Variants in ARSB observed in about 807,000 individuals in gnomAD.
ARSB encodes N-acetylgalactosamine-4-sulfatase.
ARSB carries 41 observed loss-of-function variants against 50.9 expected under a neutral mutation model. The ratio of observed to expected loss-of-function variants is 0.81; its 90% CI spans 0.63 to 1.04. The LOEUF (loss-of-function observed/expected upper bound fraction) is 1.04. Ranked by LOEUF, ARSB falls within the 50% of genes least tolerant of loss-of-function variation. The pLI is 0.00. For missense variants in ARSB, 672 were observed against 693.3 expected (o/e 0.97, Z 0.35); for synonymous variants, 269 against 284.8 (o/e 0.94, Z 0.56).
At chr5:78,971,946 T>C (rs1022423316) in intron 1 of ARSB, among the ~76,000 whole-genome samples, 6 of 152,254 alleles carry the variant, frequency 3.9e-5, no homozygotes, top group African/African-American at 1.4e-4. Flanking sequence ...ACTGAGATTG[T>C]TATGCCTCTC....
At chr5:78,918,861 G>C (rs564683339) in intron 4 of ARSB, among the ~76,000 whole-genome samples, 2 of 152,146 alleles carry the variant, frequency 1.3e-5, no homozygotes, top group African/African-American at 4.8e-5. Flanking sequence ...GAAGCATTAA[G>C]TGCCTGAACA....
At chr5:78,938,344 T>A (rs2112421215) in intron 4 of ARSB, among the ~76,000 whole-genome samples, 1 of 152,352 alleles carries the variant, frequency 6.6e-6, no homozygotes, top group Admixed American at 6.5e-5. Context: ...AGTGTGGACA[T>A]TAACAGGTGA....
intron 5 of ARSB, among the ~76,000 whole-genome samples, chr5:78,852,139 C>T (rs1218547192): frequency 6.6e-6 from 1 of 152,176 alleles, no homozygotes; most frequent in Non-Finnish European, 1.5e-5. Flanking sequence ...TTAGTTGATG[C>T]AGTTTCTTCC....
At chr5:78,942,797 C>T (rs59351757) in intron 4 of ARSB, among the ~76,000 whole-genome samples, 6,324 of 152,098 alleles carry the variant, frequency 0.042, 325 homozygotes, top group African/African-American at 0.12. Context: ...CTATTAGGTC[C>T]GCTTGGTGCA....
chr5:78,955,154 A>C, intron 4 of ARSB, 141 bp downstream of exon 4: 1 of 809,458 alleles, frequency 1.2e-6, no homozygotes, highest in Non-Finnish European at 2.0e-6. Context: ...CTTTCCATCC[A>C]CAATTACCAT....
chr5:78,932,119 A>G lies in ARSB; in HGVS notation c.898+23176T>C, dbSNP rs191149725. ...TCACCCAATTCCAAAAGATGGCTGC[A>G]TATGTATCAAAAAGGCATACTTCAG... On this transcript the variant is annotated intron_variant, in intron 4 of 7. Coordinates refer to ENST00000264914, the MANE Select transcript of ARSB (RefSeq NM_000046.5). 2.4e-3 allele frequency among the ~76,000 whole-genome samples: 373 copies of G among 152,322 alleles called. 1 individual carries two copies. The highest frequency in any genetic ancestry group is 8.6e-3 in the African/African-American group (358 of 41,572).
intron 5 of ARSB, among the ~76,000 whole-genome samples, chr5:78,843,957 G>C (rs1001666476): frequency 7.2e-5 from 11 of 151,972 alleles, no homozygotes; most frequent in Non-Finnish European, 1.5e-4. Flanking sequence ...CATTTACTTG[G>C]TTAGTATTTT....
intron 1 of ARSB, among the ~76,000 whole-genome samples, chr5:78,973,043 G>A (rs1158093632): frequency 3.9e-5 from 6 of 152,196 alleles, no homozygotes; most frequent in Non-Finnish European, 1.5e-5. Flanking sequence ...TAGAGAAGCA[G>A]TAAACAGGCA....
intron 6 of ARSB, among the ~76,000 whole-genome samples, chr5:78,832,507 A>G (rs1014348726): frequency 6.6e-6 from 1 of 152,188 alleles, no homozygotes; most frequent in Non-Finnish European, 1.5e-5. Flanking sequence ...TGAATAAACA[A>G]TCTTGGAAAT....
At chr5:78,977,168 CCG>C (rs1752705169) in intron 1 of ARSB, among the ~76,000 whole-genome samples, 1 of 143,818 alleles carries the variant, frequency 7.0e-6, no homozygotes, top group African/African-American at 2.9e-5. Context: ...CACTTCCCCC[CCG>C]CGAGATGGAG....
At chr5:78,803,176 C>T (rs1448199122) in intron 6 of ARSB, among the ~76,000 whole-genome samples, 2 of 152,248 alleles carry the variant, frequency 1.3e-5, no homozygotes, top group African/African-American at 4.8e-5. Flanking sequence ...TCAGTTTCCT[C>T]CCCAGTGGGA....
chr5:78,836,924 G>T (rs891677625), intron 6 of ARSB, among the ~76,000 whole-genome samples: 1 of 152,164 alleles, frequency 6.6e-6, no homozygotes, highest in African/African-American at 2.4e-5. Flanking sequence ...GCTGGAGCAG[G>T]AGGAAGAGAG....
intron 6 of ARSB, among the ~76,000 whole-genome samples, chr5:78,795,623 T>C (rs533253478): frequency 1.1e-3 from 167 of 152,322 alleles, no homozygotes; most frequent in Non-Finnish European, 2.2e-3. Flanking sequence ...TTACTTAGAA[T>C]CCTGTCTGTC....
chr5:78,979,525 G>A (rs917909778), intron 1 of ARSB, among the ~76,000 whole-genome samples: 1 of 152,238 alleles, frequency 6.6e-6, no homozygotes. Context: ...CTGTGCACTG[G>A]GGTGGAGCCA....
chr5:78,802,848 T>C (rs941559404), intron 6 of ARSB, among the ~76,000 whole-genome samples: 2 of 152,222 alleles, frequency 1.3e-5, no homozygotes, highest in Non-Finnish European at 2.9e-5. Context: ...TTTGCATTGA[T>C]ACCTGAGAGG....
At chr5:78,812,187 A>G (rs1206381975) in intron 6 of ARSB, among the ~76,000 whole-genome samples, 5 of 152,200 alleles carry the variant, frequency 3.3e-5, no homozygotes. Flanking sequence ...CTTGAGATGC[A>G]GGTCAGTATT....
chr5:78,950,100 T>TG (rs1161630833), intron 4 of ARSB, among the ~76,000 whole-genome samples: 2 of 152,160 alleles, frequency 1.3e-5, no homozygotes, highest in Non-Finnish European at 2.9e-5. Context: ...TGCAGGTTCC[T>TG]GGAATTTAGC....
At chr5:78,853,930 G>T (rs1313225064) in intron 5 of ARSB, among the ~76,000 whole-genome samples, 2 of 152,344 alleles carry the variant, frequency 1.3e-5, no homozygotes, top group Admixed American at 1.3e-4. Flanking sequence ...GTATTAGGGT[G>T]GGAGTGACCC....
chr5:78,924,961 C>T (rs1445541279), intron 4 of ARSB, among the ~76,000 whole-genome samples: 1 of 152,326 alleles, frequency 6.6e-6, no homozygotes, highest in Middle Eastern at 3.4e-3. Context: ...TTCACACCTG[C>T]AAACATATTC....
Sources: gnomAD v4.1 joint callset for allele counts (sites outside exome capture counted in the v4.1 genomes callset) on GRCh38, gnomAD v4.1.1 for gene constraint, MANE v1.5 for transcripts, NCBI Gene and HGNC (gene_info 2026-07-23, HGNC 2026-07-21) for gene names.